Variants in HTR4 observed in about 807,000 individuals in gnomAD.
The protein encoded by HTR4 is 5-hydroxytryptamine (serotonin) receptor 4, G protein-coupled.
Under a neutral mutation model 36.8 loss-of-function variants are expected in HTR4, and 16 were observed. That is an observed-to-expected ratio of 0.43 (90% confidence interval 0.29 to 0.66). The LOEUF is 0.66. Ranked by LOEUF, HTR4 falls within the 30% of genes least tolerant of loss-of-function variation. The pLI, the probability that HTR4 is intolerant of heterozygous loss-of-function variation, is 0.13. For synonymous variants in HTR4, 189 were observed against 185.1 expected, an observed-to-expected ratio of 1.02 and a Z score of -0.17; for missense variants, 438 against 490.9, an observed-to-expected ratio of 0.89 and a Z score of 1.02.
chr5:148,579,880 AG>A (rs1761067683), intron 2 of HTR4, among the ~76,000 whole-genome samples: 1 of 152,006 alleles, frequency 6.6e-6, no homozygotes, highest in Admixed American at 6.6e-5. Context: ...CTCTGGACTC[AG>A]ATTTAAAGGG....
At chr5:148,527,566 A>T (rs2113805339) in intron 4 of HTR4, among the ~76,000 whole-genome samples, 1 of 152,310 alleles carries the variant, frequency 6.6e-6, no homozygotes, top group East Asian at 1.9e-4. Context: ...TCCTTTTAAA[A>T]TTCAACTTAA....
chr5:148,584,285 G>T (rs979592605), intron 2 of HTR4, among the ~76,000 whole-genome samples: 1 of 151,984 alleles, frequency 6.6e-6, no homozygotes, highest in Non-Finnish European at 1.5e-5. Flanking sequence ...CCCCAAAAAA[G>T]GATTTTCTTA....
At chr5:148,616,636 AT>A (rs1392298527) in intron 2 of HTR4, among the ~76,000 whole-genome samples, 1 of 152,232 alleles carries the variant, frequency 6.6e-6, no homozygotes, top group Non-Finnish European at 1.5e-5. Flanking sequence ...AAGCAGAAAA[AT>A]ATAGACACAT....
chr5:148,469,896 G>A (rs1049448811), intron 5 of HTR4, among the ~76,000 whole-genome samples: 15 of 152,262 alleles, frequency 9.9e-5, no homozygotes, highest in African/African-American at 3.1e-4. Flanking sequence ...TCCACATTCC[G>A]CCTCTTCCTG....
Position 148,509,675 on chromosome 5 carries a change from T to G in HTR4, c.857A>C (p.Asp286Ala). Residue 286 changes from aspartate to alanine, a missense_variant, in exon 6 of 7, where the codon GAC becomes GCC. Physicochemically the swap from Asp to Ala is moderately radical, Grantham distance 126. Coordinates refer to ENST00000377888, the MANE Select transcript of HTR4 (RefSeq NM_000870.7). Reference protein sequence around the residue: ...FVTNIVDPFIDYTVPGQVWTA... With the variant: ...FVTNIVDPFIAYTVPGQVWTA... Reference sequence around the variant, plus strand: ...CCACACCTGCCCAGGGACAGTGTAGTCTATGAAAGGATCCACAATATTGGT... The same window carrying G: ...CCACACCTGCCCAGGGACAGTGTAGGCTATGAAAGGATCCACAATATTGGT... The G allele has an allele frequency of 6.2e-7, 1 of 1,614,016 alleles. No homozygotes were observed. Among genetic ancestry groups the G allele is most frequent in the African/African-American group, 1.3e-5 (1 of 75,026 alleles).
chr5:148,621,078 C>T (rs1752898899), intron 2 of HTR4, among the ~76,000 whole-genome samples: 1 of 152,210 alleles, frequency 6.6e-6, no homozygotes, highest in Non-Finnish European at 1.5e-5. Context: ...ATCATTGTCA[C>T]AGTGAAAATT....
At chr5:148,520,866 C>G (rs565179904) in intron 5 of HTR4, 2 of 1,366,884 alleles carry the variant, frequency 1.5e-6, no homozygotes, top group East Asian at 9.1e-5. Flanking sequence ...TTCTAATTCA[C>G]TCTTCTGCCT....
chr5:148,557,917 C>T (rs1019625839), intron 2 of HTR4, among the ~76,000 whole-genome samples: 1 of 151,606 alleles, frequency 6.6e-6, no homozygotes, highest in Admixed American at 6.6e-5. Context: ...TTTTATGTAT[C>T]GAACTTTGCA....
At chr5:148,581,562 A>G (rs1039537339) in intron 2 of HTR4, among the ~76,000 whole-genome samples, 2 of 152,068 alleles carry the variant, frequency 1.3e-5, no homozygotes, top group Non-Finnish European at 2.9e-5. Context: ...GTGGATATAC[A>G]GTTTTCCCCC....
chr5:148,523,520 TAAAAG>T (rs955180998), intron 4 of HTR4, among the ~76,000 whole-genome samples, 174 bp from the exon 5 acceptor site: 144 of 141,876 alleles, frequency 1.0e-3, no homozygotes, highest in African/African-American at 3.5e-3. Flanking sequence ...AATAAGGAAA[TAAAAG>T]AAAGAATACA....
chr5:148,471,016 A>T (rs1755554341), intron 5 of HTR4, among the ~76,000 whole-genome samples: 2 of 152,162 alleles, frequency 1.3e-5, no homozygotes, highest in Admixed American at 1.3e-4. Flanking sequence ...TATTTTACAG[A>T]TAAGAAAACT....
Position 148,482,122 on chromosome 5 carries a change from G to T in HTR4, c.*1081C>A. The T allele has an allele frequency of 1.0e-6, 1 of 985,874 alleles. No homozygotes were observed. The highest frequency in any genetic ancestry group is 1.7e-5 in the African/African-American group (1 of 57,346). The allele number at this position is 985,874 out of a possible 1,614,324, so 61.1% of individuals were successfully genotyped here. On this transcript the variant is annotated 3_prime_UTR_variant, in exon 7 of 7. Transcript: ENST00000377888. ...CAGCACAGCCAGGGCGGCAATTTGG[G>T]TCCTCTGGCTTCAAGTACAGCATTG...
At chr5:148,589,346 TTC>T (rs1439460150) in intron 2 of HTR4, among the ~76,000 whole-genome samples, 1 of 152,234 alleles carries the variant, frequency 6.6e-6, no homozygotes, top group African/African-American at 2.4e-5. Flanking sequence ...GAATAAGAGT[TTC>T]TGTTTCCTGA....
intron 1 of HTR4, among the ~76,000 whole-genome samples, chr5:148,640,273 T>C (rs1042885107): frequency 6.6e-6 from 1 of 152,202 alleles, no homozygotes; most frequent in Non-Finnish European, 1.5e-5. Flanking sequence ...GAGAATAATG[T>C]CTGGATTTTC....
In HTR4 at chr5:148,581,567, TC is replaced by T. The variant is rs551236792; in HGVS notation, c.27-31306del. ...TACTTTGGATGTGGATATACAGTTT[TC>T]CCCCCAAAAAATTATTGAAGAGACT... On this transcript the variant is annotated intron_variant, in intron 2 of 6. Coordinates refer to ENST00000377888, the MANE Select transcript of HTR4 (RefSeq NM_000870.7). 1.8e-3 allele frequency among the ~76,000 whole-genome samples: 281 copies of T among 152,176 alleles called. 2 individuals are homozygous for T. The highest frequency in any genetic ancestry group is 3.2e-3 in the Non-Finnish European group (217 of 67,980).
intron 2 of HTR4, among the ~76,000 whole-genome samples, chr5:148,635,028 CTTA>C (rs950086072): frequency 2.4e-4 from 37 of 151,848 alleles, no homozygotes; most frequent in African/African-American, 8.2e-4. Context: ...TTAACATTCC[CTTA>C]TTAATTAATA....
At position 148,567,447 on chromosome 5, in the gene HTR4, T is replaced by C. The variant is rs549241317; in HGVS notation, c.27-17185A>G. 2.0e-5 allele frequency among the ~76,000 whole-genome samples: 3 copies of C among 152,250 alleles called. No homozygotes were observed. In the South Asian group the frequency reaches 6.2e-4, roughly 32 times the overall value. ...TACCTCTGAAATCAAAGGCAGACAA[T>C]GTATGTTTTCCACTCAAAATTATTC... is the stretch of plus-strand genomic sequence containing the variant. On this transcript the variant is annotated intron_variant, in intron 2 of 6. Transcript: ENST00000377888.
At chr5:148,627,046 A>G (rs1349752191) in intron 2 of HTR4, among the ~76,000 whole-genome samples, 1 of 151,960 alleles carries the variant, frequency 6.6e-6, no homozygotes, top group African/African-American at 2.4e-5. Flanking sequence ...CGGAAATGCT[A>G]CTTCATAAAT....
intron 5 of HTR4, among the ~76,000 whole-genome samples, chr5:148,514,365 G>T (rs1757633160): frequency 6.6e-6 from 1 of 152,016 alleles, no homozygotes; most frequent in Non-Finnish European, 1.5e-5. Context: ...ATGAACATGT[G>T]GGTTTTCTCC....
Sources: allele counts gnomAD v4.1 joint callset (sites outside exome capture counted in the v4.1 genomes callset), GRCh38; gene constraint gnomAD v4.1.1; transcripts MANE v1.5; gene names NCBI Gene and HGNC (gene_info 2026-07-23, HGNC 2026-07-21).